The following CCNJL variants were observed in gnomAD, a reference collection of about 807,000 sequenced individuals.
The protein encoded by CCNJL is cyclin-J-like protein.
A neutral mutation model predicts 33.4 loss-of-function variants in CCNJL; 33 were observed. That is an observed-to-expected ratio of 0.99 (90% CI 0.75 to 1.32). The LOEUF (loss-of-function observed/expected upper bound fraction) is 1.32, where lower values mean the gene tolerates loss of function less well. Ranked by LOEUF, CCNJL falls within the 40% of genes most tolerant of loss-of-function variation. CCNJL has a pLI of 0.00. For missense variants in CCNJL, 512 were observed against 499.7 expected, an observed-to-expected ratio of 1.02 and a Z score of -0.23; for synonymous variants, 227 against 220.9, an observed-to-expected ratio of 1.03 and a Z score of -0.24.
intron 1 of CCNJL, among the ~76,000 whole-genome samples, chr5:160,327,592 C>A (rs1221494903): frequency 6.6e-6 from 1 of 152,232 alleles, no homozygotes; most frequent in Non-Finnish European, 1.5e-5. Flanking sequence ...TGCCCAGAGG[C>A]AGCCCCCAAC....
intron 2 of CCNJL, among the ~76,000 whole-genome samples, chr5:160,296,150 C>T (rs1443706847): frequency 6.6e-6 from 1 of 152,214 alleles, no homozygotes; most frequent in Non-Finnish European, 1.5e-5. Flanking sequence ...TCAAGAACCA[C>T]CAGTGCCTTG....
At chr5:160,278,607 C>A (rs534370577) in intron 3 of CCNJL, among the ~76,000 whole-genome samples, 1 of 152,176 alleles carries the variant, frequency 6.6e-6, no homozygotes, top group Non-Finnish European at 1.5e-5. Flanking sequence ...GGGGCGTCTG[C>A]CTCTCTGTCT....
chr5:160,320,855 T>TTC (rs1561812570), intron 1 of CCNJL, among the ~76,000 whole-genome samples: 1 of 132,820 alleles, frequency 7.5e-6, no homozygotes, highest in African/African-American at 2.8e-5. Context: ...CTTTCCTTCT[T>TTC]TCTTTCTTTC....
chr5:160,334,536 A>G (rs1222167304), intron 1 of CCNJL, among the ~76,000 whole-genome samples: 1 of 152,112 alleles, frequency 6.6e-6, no homozygotes, highest in East Asian at 1.9e-4. Flanking sequence ...AGATACTACT[A>G]TTATCATCCT....
chr5:160,264,300 A>G (rs1443161433), intron 3 of CCNJL, among the ~76,000 whole-genome samples: 2 of 152,138 alleles, frequency 1.3e-5, no homozygotes, highest in Non-Finnish European at 2.9e-5. Flanking sequence ...GAGGCTAGGC[A>G]GACGCACGTG....
At chr5:160,320,850 CTTCTTTCT>C (rs1189140816) in intron 1 of CCNJL, among the ~76,000 whole-genome samples, 1 of 55,532 alleles carries the variant, frequency 1.8e-5, no homozygotes. Context: ...TCTTTCTTTC[CTTCTTTCT>C]TTCTTTCTTT....
intron 2 of CCNJL, among the ~76,000 whole-genome samples, chr5:160,300,721 A>C (rs1203365713): frequency 1.3e-5 from 2 of 152,090 alleles, no homozygotes; most frequent in African/African-American, 4.8e-5. Flanking sequence ...TCACTCTGGC[A>C]TAATCATAGC....
At position 160,259,598 on chromosome 5, in the gene CCNJL, C is replaced by T; in HGVS notation, c.454G>A (p.Asp152Asn). The T allele has an allele frequency of 6.2e-7, 1 of 1,614,126 alleles. No homozygotes were observed. The change falls in exon 4 of 6, where the codon GAC becomes AAC. Residue 152 changes from aspartate (D) to asparagine (N), a missense_variant. Asp to Asn is a conservative substitution (Grantham distance 23). Coordinates refer to ENST00000257536, the MANE Select transcript of CCNJL (RefSeq NM_001308173.3). Reference sequence around the variant, plus strand: ...CTGACGGAGGCCAAGAGGTAGTAGTCCAGGAAGTGGGCAGGCGTGGGCAGG... The same window carrying T: ...CTGACGGAGGCCAAGAGGTAGTAGTTCAGGAAGTGGGCAGGCGTGGGCAGG... ...LCLPTPAHFL[D>N]YYLLASVSQK...
In CCNJL at chr5:160,280,728, A is replaced by C. The variant is rs771316396; in HGVS notation, c.77T>G (p.Leu26Arg). The C allele has an allele frequency of 6.2e-7, 1 of 1,603,614 alleles. No homozygotes were observed. Among genetic ancestry groups the C allele is most frequent in the South Asian group, 1.1e-5 (1 of 90,256 alleles). The stretch of plus-strand genomic sequence containing the variant: ...TGGGGAGTGGGCTCGGAAGGTGGGC[A>C]GCTTCAGTTCCTGGAGGACAGGCGG... ...HCTLREKELK[L>R]PTFRAHSPLL... The change falls in exon 3 of 6, where the codon CTG becomes CGG. Residue 26 changes from leucine to arginine, a missense_variant. Physicochemically the swap from Leu to Arg is moderately radical, Grantham distance 102. Coordinates refer to ENST00000257536, the MANE Select transcript of CCNJL (RefSeq NM_001308173.3).
chr5:160,285,359 A>G (rs1432967959), intron 2 of CCNJL, among the ~76,000 whole-genome samples: 1 of 151,514 alleles, frequency 6.6e-6, no homozygotes, highest in Non-Finnish European at 1.5e-5. Flanking sequence ...TTTGCACATC[A>G]CTGTTACTTC....
Position 160,251,454 on chromosome 5 carries a change from G to A in CCNJL, c.*1924C>T, listed in dbSNP as rs539857149. The A allele has an allele frequency of 6.6e-6, 1 of 152,340 alleles. No homozygotes were observed. The highest frequency in any genetic ancestry group is 1.9e-4 in the East Asian group (1 of 5,180). 9.4% of individuals were successfully genotyped at this position (152,340 alleles called of 1,614,324 possible). A position where few individuals can be genotyped will look rare whatever the true frequency, so the allele number is the denominator to read the frequency against. ...CCTGAGACGGTGATGGAGCTGGGGT[G>A]TCAAGCCTTATACACCCCTCCGCTG... On this transcript the variant is annotated 3_prime_UTR_variant, in exon 6 of 6. Transcript: ENST00000257536.
chr5:160,269,372 T>C (rs537855359), intron 3 of CCNJL: 1 of 455,982 alleles, frequency 2.2e-6, no homozygotes, highest in Non-Finnish European at 4.4e-6. Flanking sequence ...CCACAAGTGC[T>C]TCTGTCCTCG....
chr5:160,326,648 A>C, intron 1 of CCNJL: 4 of 723,780 alleles, frequency 5.5e-6, no homozygotes, highest in South Asian at 5.5e-5. Flanking sequence ...TTAGAGTTAA[A>C]AGCTTGAAAT....
At chr5:160,261,790 GCTTAACATCAAGTATTA>G (rs534253125) in intron 3 of CCNJL, among the ~76,000 whole-genome samples, 17 of 152,256 alleles carry the variant, frequency 1.1e-4, no homozygotes, top group African/African-American at 4.1e-4. Context: ...TAGATTACTT[GCTTAACATCAAGTATTA>G]ATATGAATGG....
chr5:160,273,525 G>T (rs766431712), intron 3 of CCNJL, among the ~76,000 whole-genome samples: 10 of 151,910 alleles, frequency 6.6e-5, no homozygotes, highest in Non-Finnish European at 1.3e-4. Flanking sequence ...TGTGAGAGGT[G>T]AAAGAAGAAG....
chr5:160,278,883 C>A (rs1762110929), intron 3 of CCNJL, among the ~76,000 whole-genome samples: 1 of 152,190 alleles, frequency 6.6e-6, no homozygotes, highest in Non-Finnish European at 1.5e-5. Flanking sequence ...ACAAGCCCCG[C>A]AGACGAAAGG....
chr5:160,308,780 CAAAA>C (rs796459641), intron 2 of CCNJL, among the ~76,000 whole-genome samples: 13 of 152,188 alleles, frequency 8.5e-5, no homozygotes, highest in African/African-American at 3.1e-4. Context: ...ACCAAACAAA[CAAAA>C]AACAGAAAAA....
chr5:160,267,258 C>A (rs1761635959), intron 3 of CCNJL, among the ~76,000 whole-genome samples: 1 of 152,096 alleles, frequency 6.6e-6, no homozygotes, highest in Non-Finnish European at 1.5e-5. Context: ...GCTTGCTGTG[C>A]CCTTAACAGA....
chr5:160,336,363 G>A (rs530148667), intron 1 of CCNJL, among the ~76,000 whole-genome samples: 1 of 152,338 alleles, frequency 6.6e-6, no homozygotes, highest in South Asian at 2.1e-4. Context: ...GACACAAAGA[G>A]AGGAGAACCA....
Sources: gnomAD v4.1 joint callset for allele counts (sites outside exome capture counted in the v4.1 genomes callset) on GRCh38, gnomAD v4.1.1 for gene constraint, MANE v1.5 for transcripts, NCBI Gene and HGNC (gene_info 2026-07-23, HGNC 2026-07-21) for gene names.